Variants in CNBD1 observed in about 807,000 individuals in gnomAD.
CNBD1 encodes cyclic nucleotide-binding domain-containing protein 1.
Under a neutral mutation model 54.4 loss-of-function variants are expected in CNBD1, and 71 were observed. The observed-to-expected ratio is 1.30, with a 90% CI of 1.08 to 1.59. CNBD1 has a LOEUF of 1.59. CNBD1 is among the 40% of genes most tolerant of loss of function. The probability of loss-of-function intolerance (pLI) is 0.00; values close to 1 mark genes in which losing one functional copy is unlikely to be tolerated. For missense variants in CNBD1, 659 were observed against 518.0 expected, an observed-to-expected ratio of 1.27 and a Z score of -2.64; for synonymous variants, 182 against 170.7, an observed-to-expected ratio of 1.07 and a Z score of -0.51.
chr8:87,385,687 G>A (rs1811168562), downstream of CNBD1, among the ~76,000 whole-genome samples: 1 of 152,144 alleles, frequency 6.6e-6, no homozygotes, highest in African/African-American at 2.4e-5. Flanking sequence ...CTCCACCTCT[G>A]GGGGCAGGGC....
chr8:87,302,156 G>A (rs1269749485), intron 8 of CNBD1, among the ~76,000 whole-genome samples: 2 of 152,166 alleles, frequency 1.3e-5, no homozygotes, highest in Admixed American at 1.3e-4. Context: ...GCATCATCCT[G>A]ATACCAAAGC....
At chr8:86,934,727 T>G (rs546105939) in intron 3 of CNBD1, among the ~76,000 whole-genome samples, 2 of 152,338 alleles carry the variant, frequency 1.3e-5, no homozygotes, top group South Asian at 2.1e-4. Flanking sequence ...TACCCATTAT[T>G]TTTTCCTTAC....
intron 8 of CNBD1, among the ~76,000 whole-genome samples, chr8:87,312,702 C>G (rs1036190800): frequency 6.6e-6 from 1 of 151,674 alleles, no homozygotes; most frequent in African/African-American, 2.4e-5. Context: ...AATAGTATTT[C>G]GAGGTGTTTT....
chr8:87,076,506 G>C (rs973407120), intron 4 of CNBD1, among the ~76,000 whole-genome samples: 1 of 151,730 alleles, frequency 6.6e-6, no homozygotes, highest in East Asian at 1.9e-4. Flanking sequence ...GCAGTATCAT[G>C]ATCTTGGCTC....
At chr8:87,006,860 T>C (rs529978738) in intron 4 of CNBD1, among the ~76,000 whole-genome samples, 13 of 152,354 alleles carry the variant, frequency 8.5e-5, no homozygotes, top group African/African-American at 3.1e-4. Flanking sequence ...ATTTAAACAT[T>C]ATGACTTTCT....
intron 4 of CNBD1, among the ~76,000 whole-genome samples, chr8:87,173,844 T>G (rs531795381): frequency 9.9e-5 from 15 of 151,982 alleles, no homozygotes; most frequent in Admixed American, 3.3e-4. Flanking sequence ...TTGAGTAAGC[T>G]TTCTATCATT....
At chr8:87,271,606 C>A (rs1215901888) in intron 6 of CNBD1, among the ~76,000 whole-genome samples, 1 of 151,828 alleles carries the variant, frequency 6.6e-6, no homozygotes, top group Non-Finnish European at 1.5e-5. Flanking sequence ...CAGAGAATAA[C>A]AGACGCTGTT....
intron 4 of CNBD1, among the ~76,000 whole-genome samples, chr8:87,009,450 G>A (rs1809170080): frequency 6.6e-6 from 1 of 151,878 alleles, no homozygotes; most frequent in South Asian, 2.1e-4. Flanking sequence ...ACAGGCACGT[G>A]CCACAACACC....
At chr8:87,399,414 A>C (rs1054060214) in intron 2 of CNBD1, among the ~76,000 whole-genome samples, 1 of 152,042 alleles carries the variant, frequency 6.6e-6, no homozygotes, top group Non-Finnish European at 1.5e-5. Flanking sequence ...ATTTGTGAAC[A>C]TTATGAAGGA....
At chr8:87,348,828 T>G (rs1810225978) in intron 8 of CNBD1, among the ~76,000 whole-genome samples, 1 of 152,220 alleles carries the variant, frequency 6.6e-6, no homozygotes, top group Non-Finnish European at 1.5e-5. Context: ...AAAATGATTT[T>G]ATTAGACTTG....
rs183871484 is a variant in CNBD1 at position 87,138,657 on chromosome 8, C to A, written c.432-67336C>A. ...GTCTTTCAGGAAATCTTCCCTGACT[C>A]CTTGGTTTTGGCCAGGTGCTCCTCT... On this transcript the variant is annotated intron_variant, in intron 4 of 10. Coordinates refer to ENST00000518476, the MANE Select transcript of CNBD1 (RefSeq NM_173538.3). Among the ~76,000 whole-genome samples the A allele has an allele frequency of 5.9e-5, 9 of 152,282 alleles. No homozygotes were observed. In the East Asian group the frequency reaches 1.2e-3, roughly 20 times the overall value.
chr8:86,872,821 A>G (rs1554626649), intron 1 of CNBD1, among the ~76,000 whole-genome samples: 1 of 151,878 alleles, frequency 6.6e-6, no homozygotes, highest in Non-Finnish European at 1.5e-5. Flanking sequence ...TTTGGATATT[A>G]CCCCCTTATC....
At chr8:87,010,875 G>T (rs998237816) in intron 4 of CNBD1, among the ~76,000 whole-genome samples, 1 of 152,096 alleles carries the variant, frequency 6.6e-6, no homozygotes, top group African/African-American at 2.4e-5. Flanking sequence ...CCTTGTAGGT[G>T]TGTTTCTAGT....
At chr8:87,105,714 C>CT (rs202091448) in intron 4 of CNBD1, among the ~76,000 whole-genome samples, 2,421 of 147,164 alleles carry the variant, frequency 0.016, 37 homozygotes, top group South Asian at 0.036. Context: ...TAGGCTAAGC[C>CT]TTTTTTTTTT....
At chr8:87,031,879 T>C (rs1809801794) in intron 4 of CNBD1, among the ~76,000 whole-genome samples, 1 of 152,170 alleles carries the variant, frequency 6.6e-6, no homozygotes, top group South Asian at 2.1e-4. Flanking sequence ...TAGCTGGGAT[T>C]ACAGGCATGC....
At chr8:87,049,186 A>G (rs1341570897) in intron 4 of CNBD1, among the ~76,000 whole-genome samples, 1 of 152,078 alleles carries the variant, frequency 6.6e-6, no homozygotes, top group Non-Finnish European at 1.5e-5. Context: ...CTGCTAGTCT[A>G]TTTCCCTCAG....
intron 10 of CNBD1, among the ~76,000 whole-genome samples, chr8:87,375,079 A>C (rs77068681): frequency 6.6e-6 from 1 of 152,054 alleles, no homozygotes; most frequent in African/African-American, 2.4e-5. Flanking sequence ...ATAATTATAC[A>C]GTACATTTAG....
intron 4 of CNBD1, among the ~76,000 whole-genome samples, chr8:87,191,111 G>C (rs1813601301): frequency 6.6e-6 from 1 of 151,788 alleles, no homozygotes; most frequent in South Asian, 2.1e-4. Flanking sequence ...GCCAGTAGTG[G>C]CTCAGTCCAA....
intron 4 of CNBD1, among the ~76,000 whole-genome samples, chr8:87,173,828 ATTTC>A (rs984336589): frequency 9.2e-5 from 14 of 151,776 alleles, no homozygotes; most frequent in African/African-American, 3.4e-4. Context: ...TTCTGTTATT[ATTTC>A]TTTGAGTAAG....
Sources: gnomAD v4.1 joint callset for allele counts (sites outside exome capture counted in the v4.1 genomes callset) on GRCh38, gnomAD v4.1.1 for gene constraint, MANE v1.5 for transcripts, NCBI Gene and HGNC (gene_info 2026-07-23, HGNC 2026-07-21) for gene names.